Variants in MTERF3 observed in about 807,000 individuals in gnomAD.
The protein encoded by MTERF3 is mitochondrial transcription termination factor 3, also known as transcription termination factor 3, mitochondrial.
A neutral mutation model predicts 40.5 loss-of-function variants in MTERF3; 40 were observed. The ratio of observed to expected loss-of-function variants is 0.99; its 90% CI spans 0.77 to 1.29. The LOEUF is 1.29. MTERF3 is among the 50% of genes most tolerant of loss of function. The probability of loss-of-function intolerance (pLI) is 0.00; values close to 1 mark genes in which losing one functional copy is unlikely to be tolerated. For synonymous variants in MTERF3, 158 were observed against 166.6 expected, an observed-to-expected ratio of 0.95 and a Z score of 0.40; for missense variants, 452 against 478.2, an observed-to-expected ratio of 0.95 and a Z score of 0.51.
intron 5 of MTERF3, among the ~76,000 whole-genome samples, 183 bp from the exon 6 acceptor site, chr8:96,246,114 G>A (rs1810016308): frequency 6.6e-6 from 1 of 152,100 alleles, no homozygotes; most frequent in South Asian, 2.1e-4. Flanking sequence ...AAAAACTGAA[G>A]GAACCAGTTT....
Position 96,244,092 on chromosome 8 carries a change from T to A in MTERF3, c.898-12A>T, listed in dbSNP as rs767467477. 5.6e-6 allele frequency: 9 copies of A among 1,600,800 alleles called. No individual in the cohort carries two copies. The highest frequency in any genetic ancestry group is 5.1e-5 in the Admixed American group (3 of 59,314). On this transcript the variant is annotated splice_polypyrimidine_tract_variant and intron_variant, in intron 6 of 7. Coordinates refer to ENST00000287025, the MANE Select transcript of MTERF3 (RefSeq NM_015942.5). Reference sequence around the variant, plus strand: ...TCAAGACGATAAACCTAAAAGAAAGTAAATTTGCTATGAATCGTTATGTAG... The same window carrying A: ...TCAAGACGATAAACCTAAAAGAAAGAAAATTTGCTATGAATCGTTATGTAG...
At chr8:96,250,494 TGAGGTCAGGAGTTC>T (rs2129909044) in intron 4 of MTERF3, among the ~76,000 whole-genome samples, 1 of 144,728 alleles carries the variant, frequency 6.9e-6, no homozygotes, top group Admixed American at 6.9e-5. Context: ...GCAGATCACT[TGAGGTCAGGAGTTC>T]GAGAACAGCC....
intron 6 of MTERF3, among the ~76,000 whole-genome samples, chr8:96,245,063 C>T (rs1809997077): frequency 6.6e-6 from 1 of 152,116 alleles, no homozygotes; most frequent in South Asian, 2.1e-4. Context: ...AAACACAGGC[C>T]GGGTCCTCTA....
At chr8:96,241,222 C>T (rs957113602) in intron 7 of MTERF3, among the ~76,000 whole-genome samples, 14 of 151,900 alleles carry the variant, frequency 9.2e-5, no homozygotes, top group African/African-American at 2.2e-4. Context: ...CCATCCTGGC[C>T]AACATGGTGA....
rs1456400670 is a variant in MTERF3 at position 96,257,038 on chromosome 8, A to T, written c.411T>A (p.Pro137=). Residue 137 remains proline, a synonymous_variant, in exon 3 of 8, where the codon CCT becomes CCA. Transcript: ENST00000287025. ...EEEAIQIIAD[P]PLPPASFTLR... ...GTGTGAATGAAGCTGGTGGCAATGG[A>T]GGGTCTGCAATAATCTGAATAGCCT... 6.2e-7 allele frequency: 1 copy of T among 1,614,026 alleles called. No homozygotes were observed. Among genetic ancestry groups the T allele is most frequent in the Admixed American group, 1.7e-5 (1 of 60,018 alleles).
chr8:96,246,034 G>C, intron 5 of MTERF3, 103 bp from the exon 6 acceptor site: 1 of 1,069,396 alleles, frequency 9.4e-7, no homozygotes, highest in East Asian at 2.5e-5. Context: ...CTTAAAATAT[G>C]ACCCAATCAG....
At chr8:96,241,200 A>G (rs964350926) in intron 7 of MTERF3, among the ~76,000 whole-genome samples, 4 of 152,072 alleles carry the variant, frequency 2.6e-5, no homozygotes, top group African/African-American at 9.7e-5. Flanking sequence ...TCACGAAGTC[A>G]AGAGTTTGAG....
rs1563546006 is a variant in MTERF3 at position 96,246,327 on chromosome 8, G to GT, written c.804dup (p.Leu269ThrfsTer2). 1 of 1,604,712 alleles carries GT rather than the reference G, an allele frequency of 6.2e-7. No individual in the cohort carries two copies. The highest frequency in any genetic ancestry group is 1.1e-5 in the South Asian group (1 of 89,242). Reference sequence around the variant, plus strand: ...TTTACCTTCTTCACACTAAGTTCAAGTTCTTTCTGAAAAAATCCCAATCTG... The same window carrying GT: ...TTTACCTTCTTCACACTAAGTTCAAGTTTCTTTCTGAAAAAATCCCAATCTG... On this transcript the variant is annotated frameshift_variant, in exon 5 of 8. Transcript: ENST00000287025. LOFTEE classifies it high-confidence loss of function.
chr8:96,239,675 G>C lies in MTERF3; in HGVS notation c.1070C>G (p.Thr357Arg). 1.3e-6 allele frequency: 2 copies of C among 1,580,492 alleles called. No individual in the cohort carries two copies. The highest frequency in any genetic ancestry group is 1.7e-6 in the Non-Finnish European group (2 of 1,170,500). ...TCTTTCTTTGACCTTAAACAGCCTT[G>C]TATTAAATACCTAGAAAAGAAAAAA... ...IIVKFPQVFN[T>R]RLFKVKERHL... The change falls in exon 8 of 8, where the codon ACA becomes AGA. Residue 357 changes from threonine to arginine, a missense_variant. Physicochemically the swap from Thr to Arg is moderately conservative, Grantham distance 71 (BLOSUM62 -1). Transcript: ENST00000287025.
At chr8:96,248,418 T>C (rs576957900) in intron 4 of MTERF3, among the ~76,000 whole-genome samples, 2 of 152,342 alleles carry the variant, frequency 1.3e-5, no homozygotes, top group East Asian at 3.9e-4. Context: ...ATCTCCAAGA[T>C]ACAGTGAAGG....
At chr8:96,239,932 T>A (rs1809891384) in intron 7 of MTERF3, 1 of 660,252 alleles carries the variant, frequency 1.5e-6, no homozygotes, top group South Asian at 1.7e-5. Context: ...CAAAGAAGAT[T>A]GAGTGCTCCA....
At chr8:96,240,130 C>A (rs897306517) in intron 7 of MTERF3, among the ~76,000 whole-genome samples, 4 of 152,120 alleles carry the variant, frequency 2.6e-5, no homozygotes, top group African/African-American at 9.7e-5. Flanking sequence ...TGCCTGTAAT[C>A]CCAGCTACTC....
At position 96,246,359 on chromosome 8, in the gene MTERF3, A is replaced by G. The variant is rs766169344; in HGVS notation, c.773T>C (p.Leu258Pro). 1 of 1,612,694 alleles carries G rather than the reference A, an allele frequency of 6.2e-7. No individual in the cohort carries two copies. Among genetic ancestry groups the G allele is most frequent in the East Asian group, 2.2e-5 (1 of 44,794 alleles). The change falls in exon 5 of 8, where the codon CTG becomes CCG. Residue 258 changes from leucine (L) to proline (P), a missense_variant. Leu to Pro is a moderately conservative substitution (Grantham distance 98). Coordinates refer to ENST00000287025, the MANE Select transcript of MTERF3 (RefSeq NM_015942.5). ...CTGAAAAAATCCCAATCTGTTATCCAGTCTTTCCACTGAAAAGTTCAGCAA... is the reference window on the plus strand; with the variant it reads ...CTGAAAAAATCCCAATCTGTTATCCGGTCTTTCCACTGAAAAGTTCAGCAA... ...PFLLNFSVER[L>P]DNRLGFFQKE...
rs573670442 is a variant in MTERF3, at chr8:96,253,536, C to G, written c.488-2441G>C. Reference sequence around the variant, plus strand: ...GCAGAAAACAGGTCTCAGAAGCAAACAGAGAAAAAACTAGGACTTGGGTAC... The same window carrying G: ...GCAGAAAACAGGTCTCAGAAGCAAAGAGAGAAAAAACTAGGACTTGGGTAC... On this transcript the variant is annotated intron_variant, in intron 3 of 7. Transcript: ENST00000287025. 4.6e-5 allele frequency among the ~76,000 whole-genome samples: 7 copies of G among 152,130 alleles called. No individual in the cohort carries two copies. The East Asian group carries it at 1.4e-3, about 29-fold the overall frequency.
chr8:96,247,836 A>G (rs1419761441), intron 4 of MTERF3, among the ~76,000 whole-genome samples: 2 of 152,206 alleles, frequency 1.3e-5, no homozygotes, highest in African/African-American at 2.4e-5. Context: ...TATCTGCAAC[A>G]TGTCTCAGAG....
At chr8:96,240,712 T>C (rs1809911859) in intron 7 of MTERF3, among the ~76,000 whole-genome samples, 1 of 152,216 alleles carries the variant, frequency 6.6e-6, no homozygotes, top group African/African-American at 2.4e-5. Context: ...GGTTCCCCGA[T>C]GAGGCTCAGA....
chr8:96,252,810 G>A (rs1586170764), intron 3 of MTERF3, among the ~76,000 whole-genome samples: 2 of 152,326 alleles, frequency 1.3e-5, no homozygotes, highest in East Asian at 1.9e-4. Flanking sequence ...TGCTCAGCAT[G>A]AGCTGTCACA....
chr8:96,255,188 G>C (rs1235174234), intron 3 of MTERF3, among the ~76,000 whole-genome samples: 1 of 152,212 alleles, frequency 6.6e-6, no homozygotes, highest in African/African-American at 2.4e-5. Flanking sequence ...TATCAAGATA[G>C]GAGGCTCCTG....
intron 4 of MTERF3, among the ~76,000 whole-genome samples, chr8:96,246,905 A>C (rs542589015): frequency 1.7e-4 from 26 of 152,154 alleles, no homozygotes; most frequent in Admixed American, 1.6e-3. Context: ...AAAATTAAGG[A>C]AATAATGGTT....
Sources: gnomAD v4.1 joint callset for allele counts (sites outside exome capture counted in the v4.1 genomes callset) on GRCh38, gnomAD v4.1.1 for gene constraint, MANE v1.5 for transcripts, NCBI Gene and HGNC (gene_info 2026-07-23, HGNC 2026-07-21) for gene names.